NOL4: variants seen among roughly 807,000 people sequenced by gnomAD.
NOL4 encodes the protein cancer/testis antigen 125.
Under a neutral mutation model 75.9 loss-of-function variants are expected in NOL4, and 17 were observed. The ratio of observed to expected loss-of-function variants is 0.22; its 90% CI spans 0.15 to 0.34. The LOEUF (loss-of-function observed/expected upper bound fraction) is 0.34, where lower values mean the gene tolerates loss of function less well. Ranked by LOEUF, NOL4 falls within the 10% of genes least tolerant of loss-of-function variation. The pLI, the probability that NOL4 is intolerant of heterozygous loss-of-function variation, is 1.00. For missense variants in NOL4, 614 were observed against 793.5 expected (o/e 0.77, Z 2.72); for synonymous variants, 292 against 289.9 (o/e 1.01, Z -0.07).
intron 9 of NOL4, among the ~76,000 whole-genome samples, chr18:33,926,633 G>T (rs1413027553): frequency 6.6e-6 from 1 of 152,178 alleles, no homozygotes; most frequent in East Asian, 1.9e-4. Context: ...ACGGAGTCTC[G>T]CTCTGTCACC....
chr18:34,020,019 A>G (rs2074947820), intron 5 of NOL4, among the ~76,000 whole-genome samples: 1 of 151,868 alleles, frequency 6.6e-6, no homozygotes, highest in South Asian at 2.1e-4. Context: ...CCATGAGACA[A>G]ACTGGCTCCC....
intron 9 of NOL4, among the ~76,000 whole-genome samples, chr18:33,914,204 G>A (rs1011437990): frequency 6.6e-6 from 1 of 152,084 alleles, no homozygotes; most frequent in Non-Finnish European, 1.5e-5. Flanking sequence ...TGAAAAGGTG[G>A]TTTTTGAGTA....
intron 1 of NOL4, among the ~76,000 whole-genome samples, chr18:34,167,189 G>C (rs1251195835): frequency 6.6e-6 from 1 of 151,686 alleles, no homozygotes; most frequent in Non-Finnish European, 1.5e-5. Context: ...GATGTGCATA[G>C]GTTATATGCA....
intron 2 of NOL4, among the ~76,000 whole-genome samples, chr18:34,122,920 G>A (rs556354271): frequency 6.6e-6 from 1 of 152,108 alleles, no homozygotes; most frequent in African/African-American, 2.4e-5. Context: ...TTTTAAAGCC[G>A]CATTGGCTCC....
intron 6 of NOL4, among the ~76,000 whole-genome samples, chr18:34,018,166 A>G (rs947505927): frequency 3.3e-5 from 5 of 152,178 alleles, no homozygotes; most frequent in African/African-American, 1.2e-4. Context: ...GGGCAGGGAA[A>G]CTTAGGAGTT....
At chr18:33,865,561 A>G (rs2063391347) in intron 10 of NOL4, among the ~76,000 whole-genome samples, 1 of 144,340 alleles carries the variant, frequency 6.9e-6, no homozygotes, top group Admixed American at 7.1e-5. Flanking sequence ...TCACTGCTAT[A>G]AAAAAAAAAC....
intron 2 of NOL4, among the ~76,000 whole-genome samples, chr18:34,117,106 T>C (rs571535993): frequency 5.3e-5 from 8 of 152,338 alleles, no homozygotes; most frequent in East Asian, 3.9e-4. Context: ...CTGATTGTTT[T>C]CCATTAATTG....
At chr18:33,984,920 T>C (rs1221079872) in intron 6 of NOL4, among the ~76,000 whole-genome samples, 1 of 152,110 alleles carries the variant, frequency 6.6e-6, no homozygotes, top group Non-Finnish European at 1.5e-5. Context: ...GTGTTAGCAT[T>C]TGTACAAGGA....
At chr18:34,203,725 A>T (rs921360388) in intron 1 of NOL4, among the ~76,000 whole-genome samples, 2,514 of 135,270 alleles carry the variant, frequency 0.019, 51 homozygotes, top group African/African-American at 0.068. Flanking sequence ...TCTCACACAC[A>T]CACACACACA....
In NOL4 at chr18:34,223,315, G is replaced by T; in HGVS notation, c.-62C>A. 2.5e-6 allele frequency: 4 copies of T among 1,569,522 alleles called. No individual in the cohort carries two copies. Among genetic ancestry groups the T allele is most frequent in the Non-Finnish European group, 3.4e-6 (4 of 1,160,894 alleles). On this transcript the variant is annotated 5_prime_UTR_variant, in exon 1 of 11. Coordinates refer to ENST00000261592, the MANE Select transcript of NOL4 (RefSeq NM_003787.5). ...CGCACTTCGCACCTGTTCACCCTAG[G>T]CTCATGAAAAATGCAGCCCCGGCCA... is the stretch of plus-strand genomic sequence containing the variant.
chr18:33,920,187 G>C (rs1200568366), intron 9 of NOL4, among the ~76,000 whole-genome samples: 1 of 151,944 alleles, frequency 6.6e-6, no homozygotes, highest in Non-Finnish European at 1.5e-5. Flanking sequence ...AGGAGAGAGG[G>C]AAGATGAGAG....
intron 6 of NOL4, among the ~76,000 whole-genome samples, chr18:33,997,239 A>T (rs1389120547): frequency 1.3e-5 from 2 of 151,718 alleles, no homozygotes; most frequent in African/African-American, 4.8e-5. Context: ...TCCATCTTGG[A>T]TTAGTTTTTC....
At chr18:34,164,860 G>C (rs1245384328) in intron 1 of NOL4, among the ~76,000 whole-genome samples, 21 of 151,914 alleles carry the variant, frequency 1.4e-4, no homozygotes, top group Admixed American at 1.4e-3. Flanking sequence ...AACAATGATA[G>C]AGTGGATTAA....
chr18:33,995,155 T>G (rs1037799022), intron 6 of NOL4, among the ~76,000 whole-genome samples: 6 of 151,532 alleles, frequency 4.0e-5, no homozygotes, highest in Admixed American at 6.6e-5. Flanking sequence ...AGTCCCAAAT[T>G]GCTTCACTTT....
At chr18:33,905,687 G>T (rs1207711767) in intron 9 of NOL4, among the ~76,000 whole-genome samples, 1 of 152,010 alleles carries the variant, frequency 6.6e-6, no homozygotes, top group African/African-American at 2.4e-5. Flanking sequence ...TGTATATAGG[G>T]TATATAGAGT....
chr18:33,924,995 C>T (rs2067243128), intron 9 of NOL4, among the ~76,000 whole-genome samples: 1 of 151,846 alleles, frequency 6.6e-6, no homozygotes, highest in Non-Finnish European at 1.5e-5. Flanking sequence ...ATCATTTATG[C>T]AGAAAGAAAA....
At chr18:34,080,055 C>T (rs1415741641) in intron 5 of NOL4, among the ~76,000 whole-genome samples, 7 of 152,142 alleles carry the variant, frequency 4.6e-5, no homozygotes, top group Non-Finnish European at 1.0e-4. Flanking sequence ...CAAAATATTG[C>T]CCCATTTGTA....
chr18:34,061,724 A>C (rs978253052), intron 5 of NOL4, among the ~76,000 whole-genome samples: 5 of 152,168 alleles, frequency 3.3e-5, no homozygotes, highest in Non-Finnish European at 7.4e-5. Context: ...AAGACAATAA[A>C]ATATAGTCAG....
chr18:34,019,280 C>A (rs2074893342), intron 6 of NOL4, 38 bp downstream of exon 6: 1 of 1,587,230 alleles, frequency 6.3e-7, no homozygotes, highest in Admixed American at 1.7e-5. Context: ...ACCTTCATGA[C>A]CAACTCAAAA....
Sources: allele counts gnomAD v4.1 joint callset (sites outside exome capture counted in the v4.1 genomes callset), GRCh38; gene constraint gnomAD v4.1.1; transcripts MANE v1.5; gene names NCBI Gene and HGNC (gene_info 2026-07-23, HGNC 2026-07-21).